The following RBFOX1 variants were observed in gnomAD, a reference collection of about 807,000 sequenced individuals.
RBFOX1 encodes RNA binding fox-1 homolog 1, also known as RNA binding protein fox-1 homolog 1.
RBFOX1 carries 8 observed loss-of-function variants against 57.7 expected under a neutral mutation model. That is an observed-to-expected ratio of 0.14 (90% confidence interval 0.08 to 0.25). The LOEUF (loss-of-function observed/expected upper bound fraction) is 0.25, where lower values mean the gene tolerates loss of function less well. Ranked by LOEUF, RBFOX1 falls within the 10% of genes least tolerant of loss-of-function variation. The pLI is 1.00. For missense variants in RBFOX1, 611 were observed against 548.5 expected, an observed-to-expected ratio of 1.11 and a Z score of -1.14; for synonymous variants, 326 against 222.4, an observed-to-expected ratio of 1.47 and a Z score of -4.15.
At chr16:6,720,337 C>G (rs938969866) in intron 3 of RBFOX1, among the ~76,000 whole-genome samples, 2 of 152,116 alleles carry the variant, frequency 1.3e-5, no homozygotes, top group Non-Finnish European at 2.9e-5. Context: ...GCCTTCTGCC[C>G]TAATTGAAAG....
At chr16:7,678,620 T>G (rs2073991243) in intron 14 of RBFOX1, among the ~76,000 whole-genome samples, 1 of 151,920 alleles carries the variant, frequency 6.6e-6, no homozygotes, top group African/African-American at 2.4e-5. Context: ...TATCCCCAAG[T>G]TGAAAAAAAA....
intron 1 of RBFOX1, among the ~76,000 whole-genome samples, chr16:5,429,849 G>A (rs928880565): frequency 2.0e-5 from 3 of 152,272 alleles, no homozygotes; most frequent in East Asian, 1.9e-4. Context: ...TAGGGGCTCC[G>A]GCTGTGTCAG....
chr16:7,013,048 A>C (rs913865085), intron 3 of RBFOX1, among the ~76,000 whole-genome samples: 3 of 152,086 alleles, frequency 2.0e-5, no homozygotes, highest in African/African-American at 7.2e-5. Flanking sequence ...TCTCCTTTTA[A>C]GGGCAGTAAT....
intron 3 of RBFOX1, among the ~76,000 whole-genome samples, chr16:5,847,737 C>T (rs1451812828): frequency 6.6e-6 from 1 of 152,140 alleles, no homozygotes; most frequent in Non-Finnish European, 1.5e-5. Flanking sequence ...TGGTGTTCCA[C>T]AGCCTCACTC....
chr16:5,415,924 C>T (rs531737690), intron 1 of RBFOX1, among the ~76,000 whole-genome samples: 1 of 152,142 alleles, frequency 6.6e-6, no homozygotes, highest in African/African-American at 2.4e-5. Context: ...CTCAGAAATG[C>T]CAAATGTCCC....
chr16:6,820,822 G>C (rs1044458476), intron 3 of RBFOX1, among the ~76,000 whole-genome samples: 5 of 152,162 alleles, frequency 3.3e-5, no homozygotes, highest in African/African-American at 1.2e-4. Flanking sequence ...TGGACCATTG[G>C]TACTTCCAAA....
At chr16:7,205,845 C>T (rs747508644) in intron 4 of RBFOX1, among the ~76,000 whole-genome samples, 2 of 152,236 alleles carry the variant, frequency 1.3e-5, no homozygotes, top group Non-Finnish European at 2.9e-5. Flanking sequence ...GTAGTAATTA[C>T]TGAGGAGCCA....
intron 1 of RBFOX1, among the ~76,000 whole-genome samples, chr16:5,394,693 T>A (rs974975141): frequency 1.3e-5 from 2 of 151,742 alleles, no homozygotes; most frequent in African/African-American, 4.8e-5. Flanking sequence ...AGACTACAGA[T>A]GCATGCAACC....
In RBFOX1 at chr16:7,000,002, G is replaced by A. The variant is rs571023008; in HGVS notation, c.-15-52055G>A. Among the ~76,000 whole-genome samples, 6 of 151,086 alleles carry A rather than the reference G, an allele frequency of 4.0e-5. No individual in the cohort carries two copies. The South Asian group carries it at 1.3e-3, about 32-fold the overall frequency. On this transcript the variant is annotated intron_variant, in intron 3 of 15. Coordinates refer to ENST00000550418, the MANE Select transcript of RBFOX1 (RefSeq NM_018723.4). Reference sequence around the variant, plus strand: ...CAGGAGAATTGCTTGGACCTAGCAGGCAGAGGTTGCAGTGAGCCAAGATCA... The same window carrying A: ...CAGGAGAATTGCTTGGACCTAGCAGACAGAGGTTGCAGTGAGCCAAGATCA...
chr16:5,939,758 A>G (rs1248217404), intron 4 of RBFOX1, among the ~76,000 whole-genome samples: 1 of 152,204 alleles, frequency 6.6e-6, no homozygotes, highest in Non-Finnish European at 1.5e-5. Flanking sequence ...ATACCAGCTG[A>G]TAGAGCCTCA....
chr16:6,826,162 A>T (rs998932018), intron 3 of RBFOX1, among the ~76,000 whole-genome samples: 1 of 152,066 alleles, frequency 6.6e-6, no homozygotes, highest in South Asian at 2.1e-4. Context: ...TCTGGAGAAG[A>T]CAGGACTCAT....
chr16:6,444,217 G>A (rs1326824068), intron 2 of RBFOX1, among the ~76,000 whole-genome samples: 1 of 152,084 alleles, frequency 6.6e-6, no homozygotes, highest in Non-Finnish European at 1.5e-5. Context: ...AATACCACAA[G>A]AGCAGGAACA....
At chr16:7,145,793 C>A (rs1222720162) in intron 4 of RBFOX1, among the ~76,000 whole-genome samples, 1 of 152,114 alleles carries the variant, frequency 6.6e-6, no homozygotes, top group Non-Finnish European at 1.5e-5. Flanking sequence ...CTCCCTATAC[C>A]TCTCTCTGTT....
At chr16:5,480,489 T>G (rs1353227336) in intron 2 of RBFOX1, among the ~76,000 whole-genome samples, 8 of 152,202 alleles carry the variant, frequency 5.3e-5, no homozygotes, top group Non-Finnish European at 1.0e-4. Flanking sequence ...TAATAAACCC[T>G]GCTGCCGCTG....
At chr16:6,306,230 T>C (rs568619823) in intron 1 of RBFOX1, among the ~76,000 whole-genome samples, 1 of 152,240 alleles carries the variant, frequency 6.6e-6, no homozygotes, top group South Asian at 2.1e-4. Flanking sequence ...GAACCTGTCC[T>C]AGATTTGCTG....
intron 4 of RBFOX1, among the ~76,000 whole-genome samples, chr16:7,295,158 T>G (rs2095865239): frequency 1.3e-5 from 2 of 152,220 alleles, no homozygotes; most frequent in African/African-American, 4.8e-5. Flanking sequence ...ATGTGTAAGC[T>G]GGCATTCATT....
At chr16:7,022,994 G>T (rs960306686) in intron 3 of RBFOX1, among the ~76,000 whole-genome samples, 1 of 152,168 alleles carries the variant, frequency 6.6e-6, no homozygotes, top group African/African-American at 2.4e-5. Context: ...AAATGCTTTT[G>T]CAGAAGTTGG....
chr16:6,879,878 C>G (rs1214911654), intron 3 of RBFOX1, among the ~76,000 whole-genome samples: 2 of 152,192 alleles, frequency 1.3e-5, no homozygotes, highest in African/African-American at 2.4e-5. Flanking sequence ...AATGTGCAAT[C>G]TTGCCTCACA....
At chr16:6,227,183 A>G (rs1262971201) in intron 1 of RBFOX1, among the ~76,000 whole-genome samples, 1 of 152,040 alleles carries the variant, frequency 6.6e-6, no homozygotes, top group African/African-American at 2.4e-5. Flanking sequence ...TGCAGACACT[A>G]TTAGCTGTCT....
Sources: allele counts gnomAD v4.1 joint callset (sites outside exome capture counted in the v4.1 genomes callset), GRCh38; gene constraint gnomAD v4.1.1; transcripts MANE v1.5; gene names NCBI Gene and HGNC (gene_info 2026-07-23, HGNC 2026-07-21).